TEK: variants seen among roughly 807,000 people sequenced by gnomAD.
The protein encoded by TEK is angiopoietin-1 receptor.
TEK carries 43 observed loss-of-function variants against 131.8 expected under a neutral mutation model. The ratio of observed to expected loss-of-function variants is 0.33; its 90% CI spans 0.26 to 0.42. The LOEUF (loss-of-function observed/expected upper bound fraction) is 0.42. Among genes scored for constraint, TEK ranks in the 10% least tolerant of loss-of-function variants. The pLI is 1.00. For missense variants in TEK, 1,162 were observed against 1,384.4 expected (o/e 0.84, Z 2.55); for synonymous variants, 580 against 491.6 (o/e 1.18, Z -2.38).
intron 22 of TEK, 152 bp downstream of exon 22, chr9:27,228,457 T>C (rs557295796): frequency 3.0e-6 from 2 of 660,354 alleles, no homozygotes; most frequent in South Asian, 3.3e-5. Flanking sequence ...CCCCGCGACT[T>C]TGAAGAAGTT....
At chr9:27,218,869 A>G in intron 20 of TEK, 52 bp downstream of exon 20, 1 of 1,547,454 alleles carries the variant, frequency 6.5e-7, no homozygotes, top group Non-Finnish European at 8.9e-7. Flanking sequence ...AGTGAGTGGA[A>G]GCCTCTAGCA....
intron 18 of TEK, among the ~76,000 whole-genome samples, chr9:27,217,313 T>TTTCCCTTTTCCACCCTGC (rs1325120556): frequency 2.6e-5 from 4 of 152,152 alleles, no homozygotes; most frequent in African/African-American, 7.2e-5. Context: ...CCTACCCCAG[T>TTTCCCTTTTCCACCCTGC]TTCCCTTTTC....
At chr9:27,151,771 G>A (rs909005729) in intron 1 of TEK, among the ~76,000 whole-genome samples, 1 of 152,152 alleles carries the variant, frequency 6.6e-6, no homozygotes, top group Non-Finnish European at 1.5e-5. Context: ...TGGGCACAGG[G>A]GAAGCATGCA....
At chr9:27,207,326 G>T (rs920824943) in intron 15 of TEK, among the ~76,000 whole-genome samples, 1 of 152,108 alleles carries the variant, frequency 6.6e-6, no homozygotes, top group Admixed American at 6.6e-5. Flanking sequence ...CATTCACTTG[G>T]GTTTCTTCTA....
rs114691372 is a variant in TEK at position 27,215,538 on chromosome 9, A to G, written c.2991+1941A>G. Among the ~76,000 whole-genome samples the G allele has an allele frequency of 5.3e-3, 793 of 149,028 alleles. 9 individuals carry two copies. The highest frequency in any genetic ancestry group is 0.018 in the African/African-American group (722 of 40,388). The stretch of plus-strand genomic sequence containing the variant: ...GTGGATATTCTGATTCAATTGGTCT[A>G]GGGTGAGAACCCTGCATTAGGGTTT... On this transcript the variant is annotated intron_variant, in intron 18 of 22. Transcript: ENST00000380036.
chr9:27,173,145 G>A lies in TEK; in HGVS notation c.761-77G>A. ...GTTTCCCATATTCACTAGACTAGGA[G>A]AAATGAATCTAAAGAATTATGTATT... On this transcript the variant is annotated intron_variant, in intron 5 of 22. Coordinates refer to ENST00000380036, the MANE Select transcript of TEK (RefSeq NM_000459.5). 2.5e-6 allele frequency: 4 copies of A among 1,575,106 alleles called. No homozygotes were observed. The South Asian group carries it at 3.4e-5, about 13-fold the overall frequency.
In TEK at chr9:27,183,531, C is replaced by T. The variant is rs771578973; in HGVS notation, c.1103C>T (p.Pro368Leu). The T allele has an allele frequency of 6.2e-7, 1 of 1,613,818 alleles. No homozygotes were observed. Among genetic ancestry groups the T allele is most frequent in the Non-Finnish European group, 8.5e-7 (1 of 1,179,836 alleles). ...GAAGTAAACAGTGGTAAATTTAATC[C>T]CATTTGCAAAGCTTCTGGCTGGCCG... is the stretch of plus-strand genomic sequence containing the variant. ...HIEVNSGKFNPICKASGWPLP... is the reference protein window; with the variant it reads ...HIEVNSGKFNLICKASGWPLP... Residue 368 changes from proline to leucine, a missense_variant, in exon 8 of 23, where the codon CCC becomes CTC. Coordinates refer to ENST00000380036, the MANE Select transcript of TEK (RefSeq NM_000459.5).
intron 18 of TEK, among the ~76,000 whole-genome samples, chr9:27,216,729 G>T (rs1370855865): frequency 1.3e-5 from 2 of 152,144 alleles, no homozygotes; most frequent in African/African-American, 4.8e-5. Flanking sequence ...TGGGATCTAG[G>T]GCAGGGCTGG....
chr9:27,226,438 G>A (rs12350012), intron 21 of TEK, among the ~76,000 whole-genome samples: 19,083 of 152,122 alleles, frequency 0.13, 1,358 homozygotes, highest in Admixed American at 0.18. Flanking sequence ...GGACGGACAT[G>A]GATGAAGCTG....
chr9:27,206,666 C>T lies in TEK; in HGVS notation c.2449C>T (p.Pro817Ser). ...AAACAACCCAGATCCTACAATTTAT[C>T]CAGTGCTTGACTGGAATGACATCAA... ...VKNNPDPTIY[P>S]VLDWNDIKFQ... The change falls in exon 15 of 23, where the codon CCA becomes TCA. Residue 817 changes from proline (P) to serine (S), a missense_variant. Pro to Ser is a moderately conservative substitution (Grantham distance 74, BLOSUM62 -1). This residue lies in a region of TEK where 477 missense variants were observed against 471.0 expected (regional missense o/e 1.01). Transcript: ENST00000380036. The T allele has an allele frequency of 1.9e-6, 3 of 1,614,064 alleles. No homozygotes were observed. The highest frequency in any genetic ancestry group is 2.5e-6 in the Non-Finnish European group (3 of 1,180,000).
intron 1 of TEK, among the ~76,000 whole-genome samples, chr9:27,137,973 G>T (rs552205019): frequency 3.9e-5 from 6 of 152,120 alleles, no homozygotes; most frequent in Admixed American, 1.3e-4. Context: ...CTTCCTTCCA[G>T]TGGGTTTGTG....
chr9:27,203,945 G>C (rs574118), intron 13 of TEK, among the ~76,000 whole-genome samples: 31,357 of 152,216 alleles, frequency 0.21, 3,732 homozygotes, highest in Non-Finnish European at 0.27. Context: ...CGCTTTAACA[G>C]TGCTGATTCT....
intron 1 of TEK, among the ~76,000 whole-genome samples, chr9:27,125,798 C>T (rs1821965179): frequency 1.3e-5 from 2 of 152,078 alleles, no homozygotes; most frequent in Admixed American, 6.6e-5. Context: ...GTAATTGCTC[C>T]TAAGAGTACC....
chr9:27,154,689 C>T (rs1823262878), intron 1 of TEK, among the ~76,000 whole-genome samples: 3 of 152,140 alleles, frequency 2.0e-5, no homozygotes, highest in Non-Finnish European at 4.4e-5. Context: ...GTAGGTATGT[C>T]TTCTTATACC....
At chr9:27,205,258 A>T (rs1825361558) in intron 14 of TEK, among the ~76,000 whole-genome samples, 193 bp downstream of exon 14, 1 of 152,178 alleles carries the variant, frequency 6.6e-6, no homozygotes, top group Non-Finnish European at 1.5e-5. Flanking sequence ...TCCAAACCAG[A>T]ACAATTTTGA....
intron 21 of TEK, among the ~76,000 whole-genome samples, chr9:27,220,472 GTTCA>G (rs1283747484): frequency 1.9e-5 from 1 of 53,940 alleles, no homozygotes; most frequent in African/African-American, 1.3e-4. Flanking sequence ...TTTCAAAGCT[GTTCA>G]TTAAGATTAA....
intron 22 of TEK, 23 bp from the exon 23 acceptor site, chr9:27,229,135 C>G: frequency 1.2e-6 from 2 of 1,612,442 alleles, no homozygotes; most frequent in Non-Finnish European, 1.7e-6. Flanking sequence ...GCCTATGTCT[C>G]TGAACCATTT....
chr9:27,180,493 G>T (rs41272243), intron 7 of TEK, 125 bp downstream of exon 7: 21 of 1,379,788 alleles, frequency 1.5e-5, no homozygotes, highest in African/African-American at 4.3e-5. Flanking sequence ...CAGAAGTTGG[G>T]AATAGTTTAT....
chr9:27,123,792 C>G (rs1392755224), intron 1 of TEK, among the ~76,000 whole-genome samples: 1 of 151,274 alleles, frequency 6.6e-6, no homozygotes, highest in Non-Finnish European at 1.5e-5. Context: ...TTTATTTATT[C>G]TTTTGAGATA....
Sources: gnomAD v4.1 joint callset for allele counts (sites outside exome capture counted in the v4.1 genomes callset) on GRCh38, gnomAD v4.1.1 for gene constraint, gnomAD v4.1.1 regional missense constraint, MANE v1.5 for transcripts, NCBI Gene and HGNC (gene_info 2026-07-23, HGNC 2026-07-21) for gene names.